The following CADPS2 variants were observed in gnomAD, a reference collection of about 807,000 sequenced individuals.
CADPS2 encodes calcium dependent secretion activator 2, also known as calcium-dependent secretion activator 2.
A neutral mutation model predicts 172.5 loss-of-function variants in CADPS2; 93 were observed. The ratio of observed to expected loss-of-function variants is 0.54; its 90% CI spans 0.46 to 0.64. The LOEUF (loss-of-function observed/expected upper bound fraction) is 0.64. Ranked by LOEUF, CADPS2 falls within the 30% of genes least tolerant of loss-of-function variation. CADPS2 has a pLI of 0.00. For synonymous variants in CADPS2, 546 were observed against 555.2 expected (o/e 0.98, Z 0.23); for missense variants, 1,420 against 1,565.9 (o/e 0.91, Z 1.57).
chr7:122,771,456 A>G (rs1383002855), intron 1 of CADPS2, among the ~76,000 whole-genome samples: 2 of 152,196 alleles, frequency 1.3e-5, no homozygotes, highest in Non-Finnish European at 2.9e-5. Flanking sequence ...CCCAACAAAT[A>G]TCTACTGAGT....
chr7:122,535,839 G>A (rs1419774395), intron 8 of CADPS2, among the ~76,000 whole-genome samples: 2 of 152,012 alleles, frequency 1.3e-5, no homozygotes, highest in African/African-American at 4.8e-5. Flanking sequence ...AAATTCCACT[G>A]CGAGTCTTAC....
chr7:122,851,099 T>C (rs1813452910), intron 1 of CADPS2, among the ~76,000 whole-genome samples: 1 of 152,246 alleles, frequency 6.6e-6, no homozygotes, highest in African/African-American at 2.4e-5. Flanking sequence ...TCATGTGCAT[T>C]CATTTGGGTT....
rs561238637 is a variant in CADPS2, at chr7:122,536,061, G to A, written c.1475+18489C>T. 5.9e-5 allele frequency among the ~76,000 whole-genome samples: 9 copies of A among 152,160 alleles called. No individual in the cohort carries two copies. In the East Asian group the frequency reaches 1.2e-3, roughly 20 times the overall value. ...GGCATCCTTATACAAATTGCCTTTT[G>A]TAATTGGGTTTCTCCAAACCTAAAT... On this transcript the variant is annotated intron_variant, in intron 8 of 29. Coordinates refer to ENST00000449022, the MANE Select transcript of CADPS2 (RefSeq NM_017954.11).
intron 27 of CADPS2, among the ~76,000 whole-genome samples, chr7:122,359,439 T>C (rs914229951): frequency 6.6e-6 from 1 of 152,118 alleles, no homozygotes; most frequent in Non-Finnish European, 1.5e-5. Context: ...ATTTTCTGTC[T>C]CCTTCAACTC....
intron 8 of CADPS2, among the ~76,000 whole-genome samples, chr7:122,530,066 G>T (rs2061626554): frequency 6.6e-6 from 1 of 152,056 alleles, no homozygotes; most frequent in Non-Finnish European, 1.5e-5. Flanking sequence ...GTTTAGAACA[G>T]AAGATATCCT....
chr7:122,660,531 A>G (rs968882303), intron 3 of CADPS2, among the ~76,000 whole-genome samples: 1 of 152,056 alleles, frequency 6.6e-6, no homozygotes, highest in Non-Finnish European at 1.5e-5. Context: ...ATTTAATCCA[A>G]CTACATTAGT....
At chr7:122,649,587 T>C (rs1227481316) in intron 3 of CADPS2, among the ~76,000 whole-genome samples, 3 of 152,218 alleles carry the variant, frequency 2.0e-5, no homozygotes, top group African/African-American at 7.2e-5. Flanking sequence ...CTTCTATTCA[T>C]TCTAATGTGC....
At chr7:122,849,911 G>A in intron 1 of CADPS2, 1 of 567,856 alleles carries the variant, frequency 1.8e-6, no homozygotes, top group Non-Finnish European at 3.4e-6. Context: ...CCCAACCATG[G>A]CATCAGCTCT....
At chr7:122,650,749 AG>A (rs2079067009) in intron 3 of CADPS2, among the ~76,000 whole-genome samples, 1 of 152,210 alleles carries the variant, frequency 6.6e-6, no homozygotes, top group South Asian at 2.1e-4. Context: ...TTAATTTGTT[AG>A]GAATATGTTA....
At chr7:122,760,396 C>T (rs1258436644) in intron 1 of CADPS2, among the ~76,000 whole-genome samples, 2 of 152,034 alleles carry the variant, frequency 1.3e-5, no homozygotes, top group Non-Finnish European at 2.9e-5. Flanking sequence ...CCTAACACAT[C>T]TCACTAAAAG....
chr7:122,753,464 T>C (rs1433040864), intron 1 of CADPS2, among the ~76,000 whole-genome samples: 1 of 152,178 alleles, frequency 6.6e-6, no homozygotes, highest in African/African-American at 2.4e-5. Context: ...ACTCAGCAAA[T>C]ATTTATTGAG....
chr7:122,653,235 T>C (rs2079370384), intron 3 of CADPS2, among the ~76,000 whole-genome samples: 1 of 152,180 alleles, frequency 6.6e-6, no homozygotes, highest in Non-Finnish European at 1.5e-5. Context: ...ATTTTCTAGA[T>C]TTGTGCTGCC....
chr7:122,686,679 G>C (rs2083669674), intron 2 of CADPS2, among the ~76,000 whole-genome samples: 1 of 152,202 alleles, frequency 6.6e-6, no homozygotes, highest in Non-Finnish European at 1.5e-5. Flanking sequence ...TTTTTGAAAA[G>C]TAACTATGCT....
intron 1 of CADPS2, among the ~76,000 whole-genome samples, chr7:122,783,528 G>A (rs1039401733): frequency 2.0e-5 from 3 of 152,118 alleles, no homozygotes; most frequent in South Asian, 4.1e-4. Flanking sequence ...ACCTGGTGAT[G>A]GATGAATAAT....
chr7:122,330,067 A>C (rs2034656757), intron 28 of CADPS2, among the ~76,000 whole-genome samples: 1 of 152,202 alleles, frequency 6.6e-6, no homozygotes, highest in Admixed American at 6.5e-5. Context: ...AGAAAAGGAA[A>C]GAAAAAGAAC....
rs73717658 is a variant in CADPS2, at chr7:122,515,475, G to A, written c.1476-2160C>T. On this transcript the variant is annotated intron_variant, in intron 8 of 29. Coordinates refer to ENST00000449022, the MANE Select transcript of CADPS2 (RefSeq NM_017954.11). ...ACAGCAATGACCTCGGGAGCTAGATGCTGTGGACATGACAGGTGCCTTTTA... is the reference window on the plus strand; with the variant it reads ...ACAGCAATGACCTCGGGAGCTAGATACTGTGGACATGACAGGTGCCTTTTA... 7.8e-3 allele frequency among the ~76,000 whole-genome samples: 1,190 copies of A among 152,236 alleles called. 17 individuals carry two copies. The highest frequency in any genetic ancestry group is 0.028 in the African/African-American group (1,151 of 41,534).
intron 6 of CADPS2, among the ~76,000 whole-genome samples, chr7:122,592,865 C>G (rs1587672934): frequency 6.6e-6 from 1 of 151,802 alleles, no homozygotes; most frequent in East Asian, 1.9e-4. Context: ...GGAGGAATAG[C>G]ATTAGGAGAT....
chr7:122,436,892 C>T (rs186789543), intron 17 of CADPS2, among the ~76,000 whole-genome samples: 433 of 152,082 alleles, frequency 2.8e-3, no homozygotes, highest in African/African-American at 9.3e-3. Flanking sequence ...TTTCTGTATC[C>T]GTGGACAAGT....
intron 5 of CADPS2, among the ~76,000 whole-genome samples, chr7:122,616,535 TTATC>T: frequency 6.6e-6 from 1 of 152,244 alleles, no homozygotes; most frequent in East Asian, 1.9e-4. Flanking sequence ...ACTCAGTTAT[TTATC>T]AATAAAATAA....
Sources: allele counts gnomAD v4.1 joint callset (sites outside exome capture counted in the v4.1 genomes callset), GRCh38; gene constraint gnomAD v4.1.1; transcripts MANE v1.5; gene names NCBI Gene and HGNC (gene_info 2026-07-23, HGNC 2026-07-21).